Variants in OR6C2 observed in about 807,000 individuals in gnomAD.
OR6C2 encodes olfactory receptor family 6 subfamily C member 2.
For missense variants in OR6C2, 435 were observed against 365.8 expected (o/e 1.19, Z -1.54); for synonymous variants, 146 against 134.2 (o/e 1.09, Z -0.61).
rs980061118 is a variant in OR6C2, at chr12:55,452,732, T to A, written c.519T>A (p.Asp173Glu). 38 of 1,613,854 alleles carry A rather than the reference T, an allele frequency of 2.4e-5. No homozygotes were observed. The Admixed American group carries it at 2.5e-4, about 11-fold the overall frequency. The part of the protein sequence containing the change: ...QLEFCDSNAI[D>E]HFSCDAGPLL... The stretch of plus-strand genomic sequence containing the variant: ...AATTCTGTGACTCCAATGCCATTGA[T>A]CATTTTAGCTGTGATGCAGGTCCTC... The change falls in exon 2 of 2, where the codon GAT (aspartate) becomes GAA (glutamate). Residue 173 changes from aspartate to glutamate, a missense_variant. Coordinates refer to ENST00000641202, the MANE Select transcript of OR6C2 (RefSeq NM_054105.2).
At chr12:55,450,789 C>T (rs1871453674) in intron 1 of OR6C2, among the ~76,000 whole-genome samples, 1 of 151,924 alleles carries the variant, frequency 6.6e-6, no homozygotes, top group Admixed American at 6.6e-5. Context: ...AATAAAAAGA[C>T]AGATATAGAA....
intron 1 of OR6C2, among the ~76,000 whole-genome samples, chr12:55,450,085 A>G (rs2120683242): frequency 6.6e-6 from 1 of 152,110 alleles, no homozygotes; most frequent in Non-Finnish European, 1.5e-5. Flanking sequence ...AACCCTACAT[A>G]GGCCAGATAT....
intron 1 of OR6C2, among the ~76,000 whole-genome samples, chr12:55,446,311 G>A (rs140503010): frequency 0.02 from 3,019 of 151,958 alleles, 36 homozygotes; most frequent in East Asian, 0.074. Context: ...CACCACACCC[G>A]GCTAATTTTG....
Position 55,452,103 on chromosome 12 carries a change from C to T in OR6C2, c.-111C>T, listed in dbSNP as rs542092969. On this transcript the variant is annotated 5_prime_UTR_variant, in exon 2 of 2. Transcript: ENST00000641202. ...TATAAAGGGAGAAAATAAAAGTAGG[C>T]TGGTCAGCTTGGCTTCTAGATGCAT... is the stretch of plus-strand genomic sequence containing the variant. 8.3e-5 allele frequency: 50 copies of T among 604,802 alleles called. No homozygotes were observed. The South Asian group carries it at 1.3e-3, about 16-fold the overall frequency. 37.5% of individuals were successfully genotyped at this position (604,802 alleles called of 1,614,324 possible).
At chr12:55,448,643 C>CAAAAAAAAAAAAAAAAAAA (rs59178718) in intron 1 of OR6C2, among the ~76,000 whole-genome samples, 23 of 71,702 alleles carry the variant, frequency 3.2e-4, no homozygotes, top group Non-Finnish European at 4.1e-4. Flanking sequence ...CCATTCACTG[C>CAAAAAAAAAAAAAAAAAAA]AAAAAAAAAA....
chr12:55,446,171 C>T (rs556020648), intron 1 of OR6C2, among the ~76,000 whole-genome samples: 5 of 151,076 alleles, frequency 3.3e-5, no homozygotes, highest in East Asian at 2.0e-4. Flanking sequence ...TTTCGTGAGA[C>T]GGAGTTTCGC....
intron 1 of OR6C2, among the ~76,000 whole-genome samples, chr12:55,445,286 T>C (rs1792994842): frequency 1.3e-5 from 2 of 152,202 alleles, no homozygotes; most frequent in African/African-American, 4.8e-5. Context: ...TTTCCTGTAA[T>C]GGTACCTTTA....
In OR6C2 at chr12:55,452,889, T is replaced by G. The variant is rs751461375; in HGVS notation, c.676T>G (p.Phe226Val). Residue 226 changes from phenylalanine to valine, a missense_variant, in exon 2 of 2, where the codon TTC becomes GTC. Coordinates refer to ENST00000641202, the MANE Select transcript of OR6C2 (RefSeq NM_054105.2). ...YLYIVRTILKFPSVQQRKKAF... is the reference protein window; with the variant it reads ...YLYIVRTILKVPSVQQRKKAF... ...GTACATAGTCAGAACAATTCTGAAG[T>G]TCCCTTCTGTTCAGCAAAGGAAAAA... 1 of 1,613,818 alleles carries G rather than the reference T, an allele frequency of 6.2e-7. No individual in the cohort carries two copies. The highest frequency in any genetic ancestry group is 8.5e-7 in the Non-Finnish European group (1 of 1,179,792).
In OR6C2 at chr12:55,451,411, G is replaced by A. The variant is rs564603768; in HGVS notation, c.-803G>A. On this transcript the variant is annotated 5_prime_UTR_variant, in exon 2 of 2. Coordinates refer to ENST00000641202, the MANE Select transcript of OR6C2 (RefSeq NM_054105.2). Reference sequence around the variant, plus strand: ...ATGTCACGAATAAGTGAGAACATACGATGTCTTTCTAAAGGACCTAAAGAT... The same window carrying A: ...ATGTCACGAATAAGTGAGAACATACAATGTCTTTCTAAAGGACCTAAAGAT... 6.6e-5 allele frequency: 10 copies of A among 151,878 alleles called. No homozygotes were observed. Among genetic ancestry groups the A allele is most frequent in the African/African-American group, 2.2e-4 (9 of 41,436 alleles). 9.4% of individuals were successfully genotyped at this position (151,878 alleles called of 1,614,324 possible).
intron 1 of OR6C2, among the ~76,000 whole-genome samples, chr12:55,447,541 T>C (rs1240803864): frequency 6.6e-6 from 1 of 152,122 alleles, no homozygotes; most frequent in Non-Finnish European, 1.5e-5. Context: ...TCCGCTTCTG[T>C]GAATTTGACT....
chr12:55,444,137 A>G lies in OR6C2; in HGVS notation c.-910A>G, dbSNP rs1182062953. On this transcript the variant is annotated 5_prime_UTR_variant, in exon 1 of 2. Coordinates refer to ENST00000641202, the MANE Select transcript of OR6C2 (RefSeq NM_054105.2). ...CTGCCACCTGAAATCGTGAAAAATTATCAAAACAGTAAGTATTTTAAGGTA... is the reference window on the plus strand; with the variant it reads ...CTGCCACCTGAAATCGTGAAAAATTGTCAAAACAGTAAGTATTTTAAGGTA... 6.6e-6 allele frequency: 1 copy of G among 152,158 alleles called. No individual in the cohort carries two copies. Among genetic ancestry groups the G allele is most frequent in the Admixed American group, 6.6e-5 (1 of 15,252 alleles). 9.4% of individuals were successfully genotyped at this position (152,158 alleles called of 1,614,324 possible). A position where few individuals can be genotyped will look rare whatever the true frequency, so the allele number is the denominator to read the frequency against.
chr12:55,446,223 C>T (rs146816887), intron 1 of OR6C2, among the ~76,000 whole-genome samples: 2 of 152,158 alleles, frequency 1.3e-5, no homozygotes, highest in Non-Finnish European at 2.9e-5. Context: ...GATCTTGGCT[C>T]ATCGCAACCT....
intron 1 of OR6C2, among the ~76,000 whole-genome samples, chr12:55,447,551 T>C (rs1258721822): frequency 6.6e-6 from 1 of 152,128 alleles, no homozygotes; most frequent in Admixed American, 6.6e-5. Flanking sequence ...TGAATTTGAC[T>C]ATTTTACATG....
chr12:55,448,660 G>GA (rs1444071378), intron 1 of OR6C2, among the ~76,000 whole-genome samples: 1 of 77,800 alleles, frequency 1.3e-5, no homozygotes, highest in African/African-American at 4.8e-5. Flanking sequence ...AAAAAAAAAA[G>GA]AAAGAAAAGA....
At chr12:55,444,420 C>T (rs1349402944) in intron 1 of OR6C2, among the ~76,000 whole-genome samples, 1 of 152,074 alleles carries the variant, frequency 6.6e-6, no homozygotes, top group East Asian at 1.9e-4. Flanking sequence ...AAATATGCTT[C>T]CAAATCCTTG....
In OR6C2 at chr12:55,451,803, T is replaced by G. The variant is rs1871477989; in HGVS notation, c.-411T>G. On this transcript the variant is annotated 5_prime_UTR_variant, in exon 2 of 2. Coordinates refer to ENST00000641202, the MANE Select transcript of OR6C2 (RefSeq NM_054105.2). ...TGATAACAACTGAAGAGAATTAATG[T>G]TATTAATTACCTGGATATATCCTAT... 1 of 158,284 alleles carries G rather than the reference T, an allele frequency of 6.3e-6. No individual in the cohort carries two copies. The highest frequency in any genetic ancestry group is 6.3e-5 in the Admixed American group (1 of 15,820). 9.8% of individuals were successfully genotyped at this position (158,284 alleles called of 1,614,324 possible). A position where few individuals can be genotyped will look rare whatever the true frequency, so the allele number is the denominator to read the frequency against.
chr12:55,450,009 T>C (rs764410990), intron 1 of OR6C2, among the ~76,000 whole-genome samples: 1 of 151,992 alleles, frequency 6.6e-6, no homozygotes, highest in Non-Finnish European at 1.5e-5. Flanking sequence ...GGAATAAGCA[T>C]TAAAAATATA....
Position 55,452,719 on chromosome 12 carries a change from C to T in OR6C2, c.506C>T (p.Ser169Phe). The T allele has an allele frequency of 1.9e-6, 3 of 1,613,814 alleles. No individual in the cohort carries two copies. Among genetic ancestry groups the T allele is most frequent in the East Asian group, 2.2e-5 (1 of 44,868 alleles). The change falls in exon 2 of 2, where the codon TCC (serine) becomes TTC (phenylalanine). Residue 169 changes from serine (S) to phenylalanine (F), a missense_variant. Ser to Phe is a radical substitution (Grantham distance 155). Coordinates refer to ENST00000641202, the MANE Select transcript of OR6C2 (RefSeq NM_054105.2). ...GGCCTCCAGCTCGAATTCTGTGACT[C>T]CAATGCCATTGATCATTTTAGCTGT... ...SLGLQLEFCDSNAIDHFSCDA... is the reference protein window; with the variant it reads ...SLGLQLEFCDFNAIDHFSCDA...
At chr12:55,445,548 G>C (rs1281895785) in intron 1 of OR6C2, among the ~76,000 whole-genome samples, 2 of 152,154 alleles carry the variant, frequency 1.3e-5, no homozygotes, top group African/African-American at 4.8e-5. Context: ...TATGTTTGTA[G>C]CTACCATTAT....
Sources: gnomAD v4.1 joint callset for allele counts (sites outside exome capture counted in the v4.1 genomes callset) on GRCh38, gnomAD v4.1.1 for gene constraint, MANE v1.5 for transcripts, NCBI Gene and HGNC (gene_info 2026-07-23, HGNC 2026-07-21) for gene names.